The following MORF4L1 variants were observed in gnomAD, a reference collection of about 807,000 sequenced individuals.
The protein encoded by MORF4L1 is mortality factor 4-like protein 1.
In MORF4L1, 4 loss-of-function variants were observed where a neutral mutation model predicts 52.9. The observed-to-expected ratio is 0.08, with a 90% CI of 0.04 to 0.17. MORF4L1 has a LOEUF of 0.17. Among genes scored for constraint, MORF4L1 ranks in the 10% least tolerant of loss-of-function variants. The probability of loss-of-function intolerance (pLI) is 1.00; values close to 1 mark genes in which losing one functional copy is unlikely to be tolerated. For missense variants in MORF4L1, 214 were observed against 390.4 expected, an observed-to-expected ratio of 0.55 and a Z score of 3.81; for synonymous variants, 123 against 134.8, an observed-to-expected ratio of 0.91 and a Z score of 0.61.
At chr15:78,896,328 T>A (rs1481909909) in intron 11 of MORF4L1, among the ~76,000 whole-genome samples, 96 of 147,006 alleles carry the variant, frequency 6.5e-4, no homozygotes, top group African/African-American at 1.4e-3. Flanking sequence ...TTTTTTTTTT[T>A]TTTGAGATGG....
intron 3 of MORF4L1, among the ~76,000 whole-genome samples, chr15:78,883,267 GGAATA>G (rs2056635590): frequency 2.0e-5 from 3 of 150,764 alleles, no homozygotes; most frequent in African/African-American, 7.3e-5. Flanking sequence ...CTACGACAAG[GGAATA>G]GAATAAAGAA....
intron 1 of MORF4L1, among the ~76,000 whole-genome samples, chr15:78,876,193 C>T (rs1445577896): frequency 2.0e-5 from 3 of 151,846 alleles, no homozygotes; most frequent in African/African-American, 7.3e-5. Flanking sequence ...ACTTCGCCGT[C>T]GCAAAGTTCT....
At chr15:78,886,371 C>A in intron 4 of MORF4L1, 144 bp downstream of exon 4, 1 of 717,944 alleles carries the variant, frequency 1.4e-6, no homozygotes, top group Non-Finnish European at 2.4e-6. Flanking sequence ...ACAGCTTTGA[C>A]TTCAAGCGAT....
intron 11 of MORF4L1, among the ~76,000 whole-genome samples, chr15:78,895,153 T>G (rs996292182): frequency 6.6e-6 from 1 of 152,184 alleles, no homozygotes; most frequent in African/African-American, 2.4e-5. Context: ...GCTGACAGTT[T>G]GGAAGAAAAC....
chr15:78,895,671 T>C (rs894416107), intron 11 of MORF4L1, among the ~76,000 whole-genome samples: 3 of 152,214 alleles, frequency 2.0e-5, no homozygotes, highest in African/African-American at 7.2e-5. Context: ...AGAGAAACAT[T>C]ATTTTAATCT....
intron 3 of MORF4L1, among the ~76,000 whole-genome samples, chr15:78,885,921 G>A (rs2056695266): frequency 6.6e-6 from 1 of 152,120 alleles, no homozygotes; most frequent in South Asian, 2.1e-4. Flanking sequence ...TCTGCTTTTG[G>A]ACTCTGGCAG....
At chr15:78,890,773 C>T (rs762181244) in intron 5 of MORF4L1, 3 of 345,016 alleles carry the variant, frequency 8.7e-6, no homozygotes, top group Admixed American at 5.5e-5. Flanking sequence ...TGTGCCACTG[C>T]GCCTGGCTTG....
At chr15:78,892,840 A>G (rs1269423116) in intron 8 of MORF4L1, 1 of 153,634 alleles carries the variant, frequency 6.5e-6, no homozygotes, top group Non-Finnish European at 1.4e-5. Context: ...AGGGTTAGGG[A>G]TAGTTGGGGG....
chr15:78,895,718 T>C (rs536296579), intron 11 of MORF4L1, among the ~76,000 whole-genome samples: 10 of 152,318 alleles, frequency 6.6e-5, no homozygotes, highest in African/African-American at 2.4e-4. Flanking sequence ...GGATCTTAGT[T>C]AATACTGGGT....
At chr15:78,883,387 A>G (rs1426524026) in intron 3 of MORF4L1, among the ~76,000 whole-genome samples, 2 of 152,256 alleles carry the variant, frequency 1.3e-5, no homozygotes, top group African/African-American at 2.4e-5. Context: ...ATAACCCTGT[A>G]TAAAATTGCA....
chr15:78,881,705 A>G (rs750276028), intron 3 of MORF4L1, among the ~76,000 whole-genome samples: 19 of 152,170 alleles, frequency 1.2e-4, no homozygotes, highest in Non-Finnish European at 2.6e-4. Context: ...AAGACTTGTA[A>G]TTTTTACTAT....
Position 78,873,098 on chromosome 15 carries a change from GGAGA to G in MORF4L1, c.40+42_40+45del, listed in dbSNP as rs775586521. The G allele has an allele frequency of 1.6e-5, 25 of 1,550,156 alleles. No homozygotes were observed. The South Asian group carries it at 2.9e-4, about 18-fold the overall frequency. ...TGGGAAAAAGGCACCTAACGGCGCAGGAGATAGAGGCGGGCTCGAGGTGATTGAG... is the reference window on the plus strand; with the variant it reads ...TGGGAAAAAGGCACCTAACGGCGCAGTAGAGGCGGGCTCGAGGTGATTGAG... On this transcript the variant is annotated intron_variant, in intron 1 of 11. Transcript: ENST00000426013.
At chr15:78,883,901 C>T (rs1381631089) in intron 3 of MORF4L1, among the ~76,000 whole-genome samples, 1 of 152,076 alleles carries the variant, frequency 6.6e-6, no homozygotes, top group African/African-American at 2.4e-5. Flanking sequence ...GTCACATTAC[C>T]GTTAGAAAAC....
At chr15:78,891,311 A>G (rs2056797730) in intron 6 of MORF4L1, 173 bp from the exon 7 acceptor site, 2 of 644,538 alleles carry the variant, frequency 3.1e-6, no homozygotes, top group Non-Finnish European at 5.4e-6. Context: ...AATGTTCGGT[A>G]GAGCTCTTCA....
At chr15:78,878,378 C>A in intron 2 of MORF4L1, 119 bp downstream of exon 2, 1 of 725,606 alleles carries the variant, frequency 1.4e-6, no homozygotes, top group South Asian at 2.7e-5. Flanking sequence ...TTTTTAGGTT[C>A]GTAGTTAATA....
At position 78,897,033 on chromosome 15, in the gene MORF4L1, T is replaced by G; in HGVS notation, c.938T>G (p.Val313Gly). Residue 313 changes from valine to glycine, a missense_variant, in exon 12 of 12, where the codon GTG becomes GGG. Around this residue, in one of 5 missense-constraint regions of MORF4L1, gnomAD observed 30 missense variants for 34.6 expected, o/e 0.87. Coordinates refer to ENST00000426013, the MANE Select transcript of MORF4L1 (RefSeq NM_006791.4). ...TTGTTCAGTGCCAGCGATTATGAAG[T>G]GGCTCCTCCTGAGTACCATCGGAAA... Reference protein sequence around the residue: ...ATLFSASDYEVAPPEYHRKAV With the variant: ...ATLFSASDYEGAPPEYHRKAV The G allele has an allele frequency of 6.2e-7, 1 of 1,612,676 alleles. No individual in the cohort carries two copies. The highest frequency in any genetic ancestry group is 8.5e-7 in the Non-Finnish European group (1 of 1,179,648).
chr15:78,892,094 G>T, intron 7 of MORF4L1, 118 bp from the exon 8 acceptor site: 1 of 609,510 alleles, frequency 1.6e-6, no homozygotes. Flanking sequence ...TGACAGTACA[G>T]CTGTATGCTT....
At chr15:78,886,431 T>C (rs188885440) in intron 4 of MORF4L1, 47 of 582,288 alleles carry the variant, frequency 8.1e-5, no homozygotes, top group Non-Finnish European at 1.5e-4. Flanking sequence ...TACTTGAGCT[T>C]ATCTTAGACC....
intron 1 of MORF4L1, among the ~76,000 whole-genome samples, chr15:78,876,159 A>T (rs184254966): frequency 7.9e-5 from 12 of 151,994 alleles, no homozygotes; most frequent in South Asian, 2.1e-4. Context: ...GATGGTCTCG[A>T]TCTCCTGACC....
Sources: allele counts gnomAD v4.1 joint callset (sites outside exome capture counted in the v4.1 genomes callset), GRCh38; gene constraint gnomAD v4.1.1; regional missense constraint gnomAD v4.1.1; transcripts MANE v1.5; gene names NCBI Gene and HGNC (gene_info 2026-07-23, HGNC 2026-07-21).